The following RAB27A variants were observed in gnomAD, a reference collection of about 807,000 sequenced individuals.
RAB27A encodes the protein ras-related protein Rab-27A.
RAB27A carries 17 observed loss-of-function variants against 20.8 expected under a neutral mutation model. The observed-to-expected ratio is 0.82, with a 90% CI of 0.56 to 1.23. RAB27A has a LOEUF of 1.23. Ranked by LOEUF, RAB27A falls within the 50% of genes most tolerant of loss-of-function variation. The pLI, the probability that RAB27A is intolerant of heterozygous loss-of-function variation, is 0.00. For missense variants in RAB27A, 277 were observed against 266.7 expected, an observed-to-expected ratio of 1.04 and a Z score of -0.27; for synonymous variants, 85 against 92.8, an observed-to-expected ratio of 0.92 and a Z score of 0.48.
chr15:55,237,745 G>A (rs894943731), intron 2 of RAB27A, among the ~76,000 whole-genome samples: 1 of 152,014 alleles, frequency 6.6e-6, no homozygotes, highest in Non-Finnish European at 1.5e-5. Flanking sequence ...TAACAATACC[G>A]ATCCTGCAGT....
intron 2 of RAB27A, among the ~76,000 whole-genome samples, chr15:55,267,856 C>A (rs1897558594): frequency 6.6e-6 from 1 of 152,128 alleles, no homozygotes; most frequent in African/African-American, 2.4e-5. Flanking sequence ...AGCCTAGTTG[C>A]CGTGACGCCA....
intron 2 of RAB27A, among the ~76,000 whole-genome samples, chr15:55,311,120 T>C (rs1438856488): frequency 3.9e-5 from 6 of 152,316 alleles, no homozygotes; most frequent in Middle Eastern, 6.8e-3. Flanking sequence ...CACCCTATCA[T>C]TGACCTGACT....
At chr15:55,311,323 T>A (rs577150603) in intron 2 of RAB27A, among the ~76,000 whole-genome samples, 2 of 152,322 alleles carry the variant, frequency 1.3e-5, no homozygotes, top group Non-Finnish European at 2.9e-5. Flanking sequence ...TAATTTGCTT[T>A]AAGTCTGAGA....
rs547749443 is a variant in RAB27A, at chr15:55,209,746, A to T, written c.468-4041T>A. Among the ~76,000 whole-genome samples, 3 of 145,356 alleles carry T rather than the reference A, an allele frequency of 2.1e-5. No homozygotes were observed. In the South Asian group the frequency reaches 6.3e-4, roughly 31 times the overall value. The stretch of plus-strand genomic sequence containing the variant: ...TATATATACACATATATATACACAT[A>T]TATATGTGTATGTGTGTACATATAC... On this transcript the variant is annotated intron_variant, in intron 6 of 6. Transcript: ENST00000336787.
intron 2 of RAB27A, among the ~76,000 whole-genome samples, chr15:55,302,854 G>A (rs1248320385): frequency 1.4e-5 from 2 of 141,080 alleles, no homozygotes; most frequent in African/African-American, 5.5e-5. Context: ...CCCCGTCTGA[G>A]AAGTGAGGAG....
chr15:55,258,285 G>T (rs113909392), intron 2 of RAB27A, among the ~76,000 whole-genome samples: 2,155 of 152,086 alleles, frequency 0.014, 61 homozygotes, highest in African/African-American at 0.05. Flanking sequence ...TCCTGTTTTT[G>T]GTCTCACTTA....
intron 2 of RAB27A, among the ~76,000 whole-genome samples, chr15:55,311,600 T>C (rs1301632845): frequency 6.6e-6 from 1 of 152,138 alleles, no homozygotes; most frequent in Non-Finnish European, 1.5e-5. Flanking sequence ...GAAAAGAAAG[T>C]TTGTACATAT....
intron 2 of RAB27A, among the ~76,000 whole-genome samples, chr15:55,236,170 AAAAAG>A (rs560986496): frequency 0.032 from 4,919 of 151,992 alleles, 275 homozygotes; most frequent in African/African-American, 0.11. Flanking sequence ...GAAATAAAAA[AAAAAG>A]AAAGAAAGAA....
chr15:55,257,935 G>C (rs1897138400), intron 2 of RAB27A, among the ~76,000 whole-genome samples: 1 of 152,020 alleles, frequency 6.6e-6, no homozygotes, highest in African/African-American at 2.4e-5. Flanking sequence ...AAAGGTTACA[G>C]TGAGCTGAGA....
In RAB27A at chr15:55,224,995, C is replaced by T. The variant is rs561832277; in HGVS notation, c.344-983G>A. Among the ~76,000 whole-genome samples, 11 of 152,232 alleles carry T rather than the reference C, an allele frequency of 7.2e-5. 1 individual carries two copies. Among genetic ancestry groups the T allele is most frequent in the South Asian group, 2.1e-4 (1 of 4,828 alleles). ...ATGGAATTTCACAACAGTTCTTTGC[C>T]CTCATGGGGCAACTGGGGTAATAAG... is the stretch of plus-strand genomic sequence containing the variant. On this transcript the variant is annotated intron_variant, in intron 5 of 6. Coordinates refer to ENST00000336787, the MANE Select transcript of RAB27A (RefSeq NM_183235.3).
At chr15:55,306,841 TGA>T (rs2054998922) in intron 2 of RAB27A, among the ~76,000 whole-genome samples, 1 of 152,018 alleles carries the variant, frequency 6.6e-6, no homozygotes, top group Non-Finnish European at 1.5e-5. Context: ...TGAAAGGTGG[TGA>T]GAGAACAGTA....
chr15:55,316,573 T>C (rs566405783), intron 1 of RAB27A, among the ~76,000 whole-genome samples: 1 of 150,136 alleles, frequency 6.7e-6, no homozygotes, highest in South Asian at 2.1e-4. Flanking sequence ...TCAGCACATG[T>C]ATCCCAGAAC....
chr15:55,275,918 TAA>T (rs60106785), intron 1 of RAB27A, among the ~76,000 whole-genome samples: 6 of 104,128 alleles, frequency 5.8e-5, no homozygotes, highest in South Asian at 6.8e-4. Context: ...GATGGCTAAT[TAA>T]AAAAAAAAAA....
upstream of RAB27A, among the ~76,000 whole-genome samples, chr15:55,293,465 G>A (rs2141139744): frequency 6.6e-6 from 1 of 151,270 alleles, no homozygotes; most frequent in East Asian, 1.9e-4. Context: ...GCATTTCAAT[G>A]TATTAGAAAT....
At chr15:55,318,098 CTT>C (rs200901102) in intron 1 of RAB27A, among the ~76,000 whole-genome samples, 48,159 of 130,812 alleles carry the variant, frequency 0.37, 8,834 homozygotes, top group East Asian at 0.67. Context: ...CATACTTTTT[CTT>C]TTTTTTTTTT....
intron 2 of RAB27A, among the ~76,000 whole-genome samples, chr15:55,305,865 T>C (rs1437309404): frequency 1.3e-5 from 2 of 152,232 alleles, no homozygotes; most frequent in South Asian, 4.1e-4. Context: ...GAGTACAGGT[T>C]GTGATACCGC....
chr15:55,239,554 GAGA>G (rs1222804804), intron 2 of RAB27A, among the ~76,000 whole-genome samples: 8 of 152,162 alleles, frequency 5.3e-5, no homozygotes, highest in Non-Finnish European at 8.8e-5. Context: ...ACTGGCATAG[GAGA>G]AGATGACAGA....
chr15:55,262,609 G>A (rs1233809981), intron 2 of RAB27A, among the ~76,000 whole-genome samples: 1 of 149,880 alleles, frequency 6.7e-6, no homozygotes, highest in Non-Finnish European at 1.5e-5. Flanking sequence ...TGGTGATACA[G>A]GTAGTCTTAT....
chr15:55,229,261 G>T (rs950321279), intron 4 of RAB27A, among the ~76,000 whole-genome samples: 2 of 144,730 alleles, frequency 1.4e-5, no homozygotes, highest in Non-Finnish European at 3.0e-5. Context: ...TCTCGTCTTT[G>T]CCTATATGTA....
Sources: allele counts gnomAD v4.1 joint callset (sites outside exome capture counted in the v4.1 genomes callset), GRCh38; gene constraint gnomAD v4.1.1; transcripts MANE v1.5; gene names NCBI Gene and HGNC (gene_info 2026-07-23, HGNC 2026-07-21).